SMYD4: variants seen among roughly 807,000 people sequenced by gnomAD.
SMYD4 encodes the protein protein-lysine N-methyltransferase SMYD4.
SMYD4 carries 68 observed loss-of-function variants against 72.8 expected under a neutral mutation model. The observed-to-expected ratio is 0.93, with a 90% confidence interval of 0.77 to 1.14. SMYD4 has a LOEUF of 1.14. Ranked by LOEUF, SMYD4 falls within the 50% of genes most tolerant of loss-of-function variation. The pLI, the probability that SMYD4 is intolerant of heterozygous loss-of-function variation, is 0.00. For synonymous variants in SMYD4, 407 were observed against 388.6 expected (o/e 1.05, Z -0.56); for missense variants, 984 against 1,003.7 (o/e 0.98, Z 0.27).
At chr17:1,818,254 T>C (rs894418996) in intron 2 of SMYD4, among the ~76,000 whole-genome samples, 2 of 152,150 alleles carry the variant, frequency 1.3e-5, no homozygotes, top group African/African-American at 2.4e-5. Flanking sequence ...AAGCCTTTCA[T>C]GGAGCTAACT....
At chr17:1,807,652 C>T (rs543927525) in intron 3 of SMYD4, among the ~76,000 whole-genome samples, 11 of 152,184 alleles carry the variant, frequency 7.2e-5, no homozygotes, top group African/African-American at 2.2e-4. Context: ...TGCGAGCCAC[C>T]GCGCCCGGCC....
intron 5 of SMYD4, among the ~76,000 whole-genome samples, chr17:1,794,059 A>ATATATATATATG (rs1909231263): frequency 4.4e-5 from 3 of 68,578 alleles, no homozygotes; most frequent in Non-Finnish European, 1.0e-4. Context: ...ATATGTGTGT[A>ATATATATATATG]TATATATGTG....
chr17:1,797,397 G>C (rs576597657), intron 5 of SMYD4, among the ~76,000 whole-genome samples: 4 of 152,228 alleles, frequency 2.6e-5, no homozygotes, highest in Non-Finnish European at 4.4e-5. Context: ...AATAATAGTT[G>C]TATCTGTTGT....
At chr17:1,827,688 C>T (rs1911263428) in intron 2 of SMYD4, among the ~76,000 whole-genome samples, 173 bp downstream of exon 2, 2 of 152,178 alleles carry the variant, frequency 1.3e-5, no homozygotes, top group South Asian at 2.1e-4. Flanking sequence ...GTACTCCCAG[C>T]ACCTTGGGAG....
chr17:1,809,957 G>A lies in SMYD4; in HGVS notation c.279+2014C>T, dbSNP rs150855308. ...ATTACAGGTGTGAGCCACTGTGTCC[G>A]GCCCATTTATACGTTATTTTACAGA... On this transcript the variant is annotated intron_variant, in intron 3 of 10. Coordinates refer to ENST00000305513, the MANE Select transcript of SMYD4 (RefSeq NM_052928.3). Among the ~76,000 whole-genome samples, 675 of 152,020 alleles carry A rather than the reference G, an allele frequency of 4.4e-3. 2 individuals are homozygous for A. Among genetic ancestry groups the A allele is most frequent in the Middle Eastern group, 0.017 (5 of 294 alleles).
At chr17:1,824,200 G>A (rs879279059) in intron 2 of SMYD4, among the ~76,000 whole-genome samples, 10 of 152,050 alleles carry the variant, frequency 6.6e-5, no homozygotes, top group South Asian at 2.1e-4. Context: ...AACATTAGCC[G>A]GGCATGATGG....
At position 1,786,937 on chromosome 17, in the gene SMYD4, T is replaced by A; in HGVS notation, c.1757A>T (p.Gln586Leu). 4 of 1,614,092 alleles carry A rather than the reference T, an allele frequency of 2.5e-6. No homozygotes were observed. Among genetic ancestry groups the A allele is most frequent in the Non-Finnish European group, 3.4e-6 (4 of 1,180,028 alleles). Reference sequence around the variant, plus strand: ...GAAATACTGAGACCTCAGCTTCTGCTGCCTTTCGGCAACCCCCATCCGGCT... The same window carrying A: ...GAAATACTGAGACCTCAGCTTCTGCAGCCTTTCGGCAACCCCCATCCGGCT... Reference protein sequence around the residue: ...HKSRMGVAERQQKLRSQYFFD... With the variant: ...HKSRMGVAERLQKLRSQYFFD... The change falls in exon 7 of 11, where the codon CAG becomes CTG. Residue 586 changes from glutamine to leucine, a missense_variant. Transcript: ENST00000305513.
intron 2 of SMYD4, among the ~76,000 whole-genome samples, chr17:1,824,833 T>A (rs1216963261): frequency 6.6e-6 from 1 of 151,968 alleles, no homozygotes; most frequent in Non-Finnish European, 1.5e-5. Context: ...CCATGTTGGC[T>A]GGGCTGGTCC....
At chr17:1,811,227 T>G (rs917652140) in intron 3 of SMYD4, among the ~76,000 whole-genome samples, 3 of 152,104 alleles carry the variant, frequency 2.0e-5, no homozygotes, top group Admixed American at 6.6e-5. Context: ...CCCTAGAGGT[T>G]TGAGTAGCAG....
Position 1,800,016 on chromosome 17 carries a change from G to A in SMYD4, c.1378C>T (p.Gln460Ter). The A allele has an allele frequency of 6.2e-7, 1 of 1,614,166 alleles. No homozygotes were observed. Among genetic ancestry groups the A allele is most frequent in the Non-Finnish European group, 8.5e-7 (1 of 1,180,036 alleles). The change falls in exon 5 of 11, where the codon CAG (glutamine) becomes TAG (stop). Residue 460 changes from glutamine (Q) to a stop codon, truncating the protein, a stop_gained. Coordinates refer to ENST00000305513, the MANE Select transcript of SMYD4 (RefSeq NM_052928.3). LOFTEE classifies it high-confidence loss of function. ...LCRQLEAASL[Q>*]AIPTERIVNS... ...ACAATCCTCTCAGTTGGGATGGCCTGTAAACTGGCTGCTTCTAGCTGTCTG... is the reference window on the plus strand; with the variant it reads ...ACAATCCTCTCAGTTGGGATGGCCTATAAACTGGCTGCTTCTAGCTGTCTG...
rs144470845 is a variant in SMYD4, at chr17:1,800,338, C to G, written c.1056G>C (p.Leu352=). Reference sequence around the variant, plus strand: ...CAAATCCCACCAAAAGAGTCAACCTCAGGGCAATGTGGCAAAAGACACCCA... The same window carrying G: ...CAAATCCCACCAAAAGAGTCAACCTGAGGGCAATGTGGCAAAAGACACCCA... ...LTLGVFCHIA[L]RLTLLVGFED... Residue 352 remains leucine (L), a synonymous_variant, in exon 5 of 11, where the codon CTG becomes CTC. Coordinates refer to ENST00000305513, the MANE Select transcript of SMYD4 (RefSeq NM_052928.3). 18 of 1,614,138 alleles carry G rather than the reference C, an allele frequency of 1.1e-5. No individual in the cohort carries two copies. In the African/African-American group the frequency reaches 1.9e-4, roughly 17 times the overall value.
intron 5 of SMYD4, among the ~76,000 whole-genome samples, chr17:1,788,572 C>T (rs1233466468): frequency 6.6e-6 from 1 of 151,822 alleles, no homozygotes; most frequent in African/African-American, 2.4e-5. Context: ...GGTGAAATCC[C>T]GTCTCTACTA....
At position 1,781,370 on chromosome 17, in the gene SMYD4, T is replaced by C. The variant is rs761205936; in HGVS notation, c.2331A>G (p.Pro777=). 4 of 1,613,986 alleles carry C rather than the reference T, an allele frequency of 2.5e-6. No homozygotes were observed. The African/African-American group carries it at 4.0e-5, about 16-fold the overall frequency. The part of the protein sequence containing the change: ...AEEVLSLHCG[P]WDDEIQELQK... The stretch of plus-strand genomic sequence containing the variant: ...GGAGCTCCTGGATTTCATCGTCCCA[T>C]GGGCCACAGTGCAGCGACAGAACCT... The change falls in exon 11 of 11, where the codon CCA becomes CCG. Residue 777 remains proline (P), a synonymous_variant. Transcript: ENST00000305513.
At chr17:1,794,786 G>A (rs962486091) in intron 5 of SMYD4, among the ~76,000 whole-genome samples, 1 of 151,170 alleles carries the variant, frequency 6.6e-6, no homozygotes, top group African/African-American at 2.4e-5. Flanking sequence ...AATTTAGAAT[G>A]TTGTCAAGTT....
At chr17:1,793,646 T>C (rs117708592) in intron 5 of SMYD4, among the ~76,000 whole-genome samples, 1 of 151,918 alleles carries the variant, frequency 6.6e-6, no homozygotes, top group Non-Finnish European at 1.5e-5. Flanking sequence ...CTCCACTTCT[T>C]GACAAGAGAA....
intron 4 of SMYD4, 134 bp downstream of exon 4, chr17:1,804,492 T>A (rs1215263330): frequency 1.3e-6 from 1 of 775,142 alleles, no homozygotes; most frequent in Non-Finnish European, 2.1e-6. Context: ...TAGATATTAA[T>A]GTGCTTCCAA....
chr17:1,805,232 T>C (rs1449388624), intron 3 of SMYD4, among the ~76,000 whole-genome samples: 4 of 149,672 alleles, frequency 2.7e-5, no homozygotes, highest in African/African-American at 9.8e-5. Flanking sequence ...GCCTGACCAA[T>C]ATGGCAAAAC....
chr17:1,782,316 C>T (rs534878233), intron 10 of SMYD4: 1 of 152,026 alleles, frequency 6.6e-6, no homozygotes, highest in East Asian at 1.9e-4. Context: ...TGCTTAGCAG[C>T]ACCTCTGGCC....
chr17:1,814,541 T>C lies in SMYD4; in HGVS notation c.135-2426A>G, dbSNP rs1031171818. On this transcript the variant is annotated intron_variant, in intron 2 of 10. Coordinates refer to ENST00000305513, the MANE Select transcript of SMYD4 (RefSeq NM_052928.3). ...AAATACAACACAGACAAGTCACAAA[T>C]AGGGCTGGGTGCAGTGGCTTATACC... is the stretch of plus-strand genomic sequence containing the variant. The C allele has an allele frequency of 1.7e-4, 26 of 151,786 alleles. 1 individual carries two copies. Among genetic ancestry groups the C allele is most frequent in the African/African-American group, 2.4e-5 (1 of 41,318 alleles). 9.4% of individuals were successfully genotyped at this position (151,786 alleles called of 1,614,324 possible). A position where few individuals can be genotyped will look rare whatever the true frequency, so the allele number is the denominator to read the frequency against.
Sources: allele counts gnomAD v4.1 joint callset (sites outside exome capture counted in the v4.1 genomes callset), GRCh38; gene constraint gnomAD v4.1.1; transcripts MANE v1.5; gene names NCBI Gene and HGNC (gene_info 2026-07-23, HGNC 2026-07-21).